Variants in CRYBG2 observed in about 807,000 individuals in gnomAD.
The protein encoded by CRYBG2 is beta/gamma crystallin domain-containing protein 2.
Under a neutral mutation model 153.4 loss-of-function variants are expected in CRYBG2, and 106 were observed. The ratio of observed to expected loss-of-function variants is 0.69; its 90% CI spans 0.59 to 0.81. CRYBG2 has a LOEUF of 0.81. Among genes scored for constraint, CRYBG2 ranks in the 30% least tolerant of loss-of-function variants. The pLI is 0.00. For synonymous variants in CRYBG2, 851 were observed against 877.8 expected (o/e 0.97, Z 0.54); for missense variants, 1,996 against 2,112.0 (o/e 0.95, Z 1.08).
chr1:26,344,129 C>G lies in CRYBG2; in HGVS notation c.2529G>C (p.Glu843Asp), dbSNP rs1391256340. The change falls in exon 2 of 20, where the codon GAG becomes GAC. Residue 843 changes from glutamate (E) to aspartate (D), a missense_variant. Coordinates refer to ENST00000308182, the MANE Select transcript of CRYBG2 (RefSeq NM_001039775.4). ...EPENPYLSDDEKLQRRQEKAG... is the reference protein window; with the variant it reads ...EPENPYLSDDDKLQRRQEKAG... ...CTTTCTCCTGCCTGCGCTGGAGCTT[C>G]TCATCGTCACTCAGATAGGGGTTCT... The G allele has an allele frequency of 2.0e-6, 3 of 1,535,994 alleles. No individual in the cohort carries two copies. In the Admixed American group the frequency reaches 5.9e-5, roughly 30 times the overall value.
Position 26,345,980 on chromosome 1 carries a change from T to C in CRYBG2, c.678A>G (p.Pro226=), listed in dbSNP as rs779207705. The C allele has an allele frequency of 5.0e-6, 8 of 1,593,496 alleles. No individual in the cohort carries two copies. Among genetic ancestry groups the C allele is most frequent in the South Asian group, 4.4e-5 (4 of 90,740 alleles). ...CGGCCTGGCTGCGGCTGGGCGAGCC[T>C]GGTGGGGAGCCCACCACCACTGGCG... ...MVPPVVVGSP[P]GSPSRSQAVK... Residue 226 remains proline, a synonymous_variant, in exon 2 of 20, where the codon CCA becomes CCG. Coordinates refer to ENST00000308182, the MANE Select transcript of CRYBG2 (RefSeq NM_001039775.4).
At chr1:26,334,687 G>A (rs1022079052) in intron 14 of CRYBG2, among the ~76,000 whole-genome samples, 6 of 152,148 alleles carry the variant, frequency 3.9e-5, no homozygotes, top group Admixed American at 6.6e-5. Flanking sequence ...CACTTTGGGA[G>A]GCCGAGGGGG....
At position 26,343,148 on chromosome 1, in the gene CRYBG2, G is replaced by T; in HGVS notation, c.2973C>A (p.Phe991Leu). ...LNTRPGKVIF[F>L]SESGCQGSGR... ...CACTGCCTTGGCAGCCAGACTCTGA[G>T]AAGAAGATCACCTGAGAAGGCACAG... The change falls in exon 4 of 20, where the codon TTC (phenylalanine) becomes TTA (leucine). Residue 991 changes from phenylalanine to leucine, a missense_variant. Coordinates refer to ENST00000308182, the MANE Select transcript of CRYBG2 (RefSeq NM_001039775.4). This position sits in a 1 kb window ranked among gnomAD's most constrained non-coding sequence, Gnocchi z 4.1. 2 of 1,550,598 alleles carry T rather than the reference G, an allele frequency of 1.3e-6. No homozygotes were observed. Among genetic ancestry groups the T allele is most frequent in the Non-Finnish European group, 1.7e-6 (2 of 1,146,972 alleles).
intron 14 of CRYBG2, among the ~76,000 whole-genome samples, chr1:26,332,306 CAAAAAAAAAAA>C (rs567865951): frequency 1.4e-5 from 1 of 71,466 alleles, no homozygotes; most frequent in African/African-American, 6.0e-5. Flanking sequence ...GACTCCGTGT[CAAAAAAAAAAA>C]AAAAAAAGAA....
In CRYBG2 at chr1:26,344,501, T is replaced by C; in HGVS notation, c.2157A>G (p.Pro719=). The C allele has an allele frequency of 6.5e-7, 1 of 1,546,504 alleles. No homozygotes were observed. The highest frequency in any genetic ancestry group is 8.7e-7 in the Non-Finnish European group (1 of 1,145,422). ...SSSVDRVSPS[P]GGTPAPVPTG... Reference sequence around the variant, plus strand: ...TTGGCACTGGGGCAGGGGTGCCTCCTGGGCTGGGGGACACCCTGTCCACTG... The same window carrying C: ...TTGGCACTGGGGCAGGGGTGCCTCCCGGGCTGGGGGACACCCTGTCCACTG... Residue 719 remains proline (P), a synonymous_variant, in exon 2 of 20, where the codon CCA becomes CCG. Transcript: ENST00000308182.
At position 26,322,132 on chromosome 1, in the gene CRYBG2, AG is replaced by A. The variant is rs1389530410; in HGVS notation, c.4897+31del. 1.9e-6 allele frequency: 3 copies of A among 1,603,458 alleles called. No homozygotes were observed. The Admixed American group carries it at 5.0e-5, about 27-fold the overall frequency. ...GGACTCCATGGCTCTCAGCCCCCTC[AG>A]GAGCCCTCTTCCCCATACATCCCAC... On this transcript the variant is annotated intron_variant, in intron 19 of 19. Transcript: ENST00000308182.
At chr1:26,331,704 C>T in intron 14 of CRYBG2, 86 bp from the exon 15 acceptor site, 1 of 1,536,108 alleles carries the variant, frequency 6.5e-7, no homozygotes, top group Non-Finnish European at 8.9e-7. Context: ...AGAGGGAATG[C>T]AGACTTGATC....
At position 26,337,598 on chromosome 1, in the gene CRYBG2, G is replaced by C. The variant is rs746007100; in HGVS notation, c.3584C>G (p.Pro1195Arg). ...VSRDIYNLQQ[P>R]EDSQSPHLAS... ...CAGGTGGGGGCTCTGGCTGTCCTCT[G>C]GCTGCTGAAGGTTGTAGATGTCTCG... The change falls in exon 9 of 20, where the codon CCA becomes CGA. Residue 1195 changes from proline to arginine, a missense_variant. Transcript: ENST00000308182. The C allele has an allele frequency of 2.5e-6, 4 of 1,613,224 alleles. No individual in the cohort carries two copies. The East Asian group carries it at 8.9e-5, about 36-fold the overall frequency.
intron 5 of CRYBG2, among the ~76,000 whole-genome samples, chr1:26,340,225 A>C (rs1339355252): frequency 2.6e-5 from 4 of 152,162 alleles, no homozygotes; most frequent in African/African-American, 9.7e-5. Context: ...CATTCATCAA[A>C]TATGTACGAA....
chr1:26,343,922 ACTGCCGAACAGAAGG>A lies in CRYBG2; in HGVS notation c.2721_2735del (p.Leu909_Leu913del). 1 of 1,538,022 alleles carries A rather than the reference ACTGCCGAACAGAAGG, an allele frequency of 6.5e-7. No individual in the cohort carries two copies. The highest frequency in any genetic ancestry group is 8.7e-7 in the Non-Finnish European group (1 of 1,142,970). Reference sequence around the variant, plus strand: ...AGGCCTCCTTGGCGGTAGGCACCAGACTGCCGAACAGAAGGCTGCCTCCAAGACGGGAAGTGGGCC... The same window carrying A: ...AGGCCTCCTTGGCGGTAGGCACCAGACTGCCTCCAAGACGGGAAGTGGGCC... On this transcript the variant is annotated inframe_deletion, in exon 2 of 20. Coordinates refer to ENST00000308182, the MANE Select transcript of CRYBG2 (RefSeq NM_001039775.4). This position sits in a 1 kb window ranked among gnomAD's most constrained non-coding sequence, Gnocchi z 4.1.
At chr1:26,333,014 CAAAAAAAAAAAAAAAAAAAAA>C (rs59155910) in intron 14 of CRYBG2, among the ~76,000 whole-genome samples, 2 of 71,912 alleles carry the variant, frequency 2.8e-5, no homozygotes, top group Non-Finnish European at 5.2e-5. Context: ...CACCAAACCC[CAAAAAAAAAAAAAAAAAAAAA>C]AAAAAAAAAA....
intron 7 of CRYBG2, 140 bp downstream of exon 7, chr1:26,338,211 G>T (rs1314718894): frequency 6.3e-6 from 9 of 1,424,086 alleles, no homozygotes; most frequent in Non-Finnish European, 2.8e-6. Context: ...ATTCCCAATA[G>T]AAGCTCCCAG....
intron 15 of CRYBG2, among the ~76,000 whole-genome samples, chr1:26,331,077 C>A (rs1330486254): frequency 6.6e-6 from 1 of 152,210 alleles, no homozygotes; most frequent in African/African-American, 2.4e-5. Flanking sequence ...CTGTGGCTGG[C>A]AGGGCCATCT....
At chr1:26,327,818 G>A (rs1322039154) in intron 17 of CRYBG2, among the ~76,000 whole-genome samples, 4 of 151,770 alleles carry the variant, frequency 2.6e-5, no homozygotes, top group African/African-American at 4.8e-5. Context: ...GTGGTAGCAC[G>A]TGCCTGTGGT....
chr1:26,348,321 C>T (rs532219120), intron 1 of CRYBG2, among the ~76,000 whole-genome samples: 1 of 152,186 alleles, frequency 6.6e-6, no homozygotes, highest in Non-Finnish European at 1.5e-5. Flanking sequence ...CTTTGGGAGG[C>T]AGAGGTGGGA....
Position 26,344,141 on chromosome 1 carries a change from C to G in CRYBG2, c.2517G>C (p.Leu839=). ...EEEEEPENPY[L]SDDEKLQRRQ... is the part of the protein sequence containing the mutation. ...TGCGCTGGAGCTTCTCATCGTCACTCAGATAGGGGTTCTCTGGTTCCTCCT... is the reference window on the plus strand; with the variant it reads ...TGCGCTGGAGCTTCTCATCGTCACTGAGATAGGGGTTCTCTGGTTCCTCCT... Residue 839 remains leucine, a synonymous_variant, in exon 2 of 20, where the codon CTG becomes CTC. Transcript: ENST00000308182. The G allele has an allele frequency of 6.5e-7, 1 of 1,536,054 alleles. No individual in the cohort carries two copies. Among genetic ancestry groups the G allele is most frequent in the Non-Finnish European group, 8.7e-7 (1 of 1,146,842 alleles).
chr1:26,334,147 G>A (rs2074028058), intron 14 of CRYBG2, among the ~76,000 whole-genome samples: 1 of 152,216 alleles, frequency 6.6e-6, no homozygotes, highest in Non-Finnish European at 1.5e-5. Context: ...CTAGGGCCAG[G>A]TGCAGTGGCT....
chr1:26,324,073 G>C, intron 18 of CRYBG2, 79 bp downstream of exon 18: 1 of 1,483,054 alleles, frequency 6.7e-7, no homozygotes. Context: ...CTGTGTTCCT[G>C]ATTGGGCTGG....
intron 16 of CRYBG2, 151 bp from the exon 17 acceptor site, chr1:26,328,483 G>A: frequency 7.9e-7 from 1 of 1,265,402 alleles, no homozygotes; most frequent in Non-Finnish European, 1.1e-6. Flanking sequence ...TCCCAGGGCG[G>A]AGAGGGAGGC....
Sources: allele counts gnomAD v4.1 joint callset (sites outside exome capture counted in the v4.1 genomes callset), GRCh38; gene constraint gnomAD v4.1.1; non-coding constraint Gnocchi (gnomAD v3.1); transcripts MANE v1.5; gene names NCBI Gene and HGNC (gene_info 2026-07-23, HGNC 2026-07-21).